NELL1: variants seen among roughly 807,000 people sequenced by gnomAD.
The protein encoded by NELL1 is protein kinase C-binding protein NELL1.
In NELL1, 76 loss-of-function variants were observed where a neutral mutation model predicts 107.4. That is an observed-to-expected ratio of 0.71 (90% CI 0.59 to 0.86). The LOEUF (loss-of-function observed/expected upper bound fraction) is 0.86. NELL1 is among the 40% of genes least tolerant of loss of function. NELL1 has a pLI of 0.00. For synonymous variants in NELL1, 353 were observed against 341.2 expected (o/e 1.03, Z -0.38); for missense variants, 1,024 against 1,005.5 (o/e 1.02, Z -0.25).
intron 14 of NELL1, among the ~76,000 whole-genome samples, chr11:21,327,581 T>C (rs1157035170): frequency 6.6e-6 from 1 of 152,122 alleles, no homozygotes; most frequent in African/African-American, 2.4e-5. Flanking sequence ...ACAGTAAATT[T>C]GTACTGTGTA....
chr11:21,558,735 G>A (rs1343222545), intron 16 of NELL1, among the ~76,000 whole-genome samples: 1 of 152,026 alleles, frequency 6.6e-6, no homozygotes, highest in Admixed American at 6.6e-5. Context: ...ACTGTTACGT[G>A]TAAAATGACT....
intron 12 of NELL1, among the ~76,000 whole-genome samples, chr11:21,003,391 T>C (rs963940194): frequency 2.6e-5 from 4 of 152,138 alleles, no homozygotes; most frequent in African/African-American, 9.7e-5. Flanking sequence ...AACAATGCAA[T>C]GGTTACTAAA....
chr11:20,862,436 G>C (rs1012407093), intron 4 of NELL1, among the ~76,000 whole-genome samples: 2 of 152,080 alleles, frequency 1.3e-5, no homozygotes, highest in Non-Finnish European at 2.9e-5. Flanking sequence ...TGTTACAACT[G>C]ATGAATCTAC....
chr11:21,161,944 CTTTTTTTTTTTT>C (rs34422649), intron 13 of NELL1, among the ~76,000 whole-genome samples: 1 of 83,062 alleles, frequency 1.2e-5, no homozygotes, highest in Non-Finnish European at 2.1e-5. Flanking sequence ...GGAACATAAT[CTTTTTTTTTTTT>C]TTTTTTTTTT....
intron 16 of NELL1, among the ~76,000 whole-genome samples, chr11:21,535,134 T>A (rs910069417): frequency 2.0e-5 from 3 of 152,206 alleles, no homozygotes; most frequent in African/African-American, 7.2e-5. Context: ...TTATTGGGTC[T>A]CTTCTTGTGG....
rs562176487 is a variant in NELL1 at position 21,405,750 on chromosome 11, G to A, written c.1645+34802G>A. Among the ~76,000 whole-genome samples the A allele has an allele frequency of 3.3e-5, 5 of 151,990 alleles. No homozygotes were observed. In the South Asian group the frequency reaches 8.3e-4, roughly 25 times the overall value. ...AAGACCCTTGACCTGGTGAAAGATG[G>A]ACACATCATCTTTCCTCATCCTACA... On this transcript the variant is annotated intron_variant, in intron 15 of 19. Transcript: ENST00000357134.
rs186561926 is a variant in NELL1 at position 20,972,217 on chromosome 11, A to G, written c.1300+11657A>G. On this transcript the variant is annotated intron_variant, in intron 12 of 19. Coordinates refer to ENST00000357134, the MANE Select transcript of NELL1 (RefSeq NM_006157.5). ...TAAAATAAAAAATTAAAATAAAAAT[A>G]AATTGCTATAAGAACTAAGGGGAAT... Among the ~76,000 whole-genome samples the G allele has an allele frequency of 4.6e-5, 7 of 152,324 alleles. No homozygotes were observed. In the East Asian group the frequency reaches 1.4e-3, roughly 29 times the overall value.
chr11:20,859,703 G>A (rs964010469), intron 4 of NELL1, among the ~76,000 whole-genome samples: 3 of 152,210 alleles, frequency 2.0e-5, no homozygotes, highest in Admixed American at 1.3e-4. Flanking sequence ...GGGTTGGGCA[G>A]TAGGAGACCC....
chr11:21,242,431 A>G (rs1590765263), intron 14 of NELL1, among the ~76,000 whole-genome samples: 1 of 152,118 alleles, frequency 6.6e-6, no homozygotes, highest in East Asian at 1.9e-4. Context: ...GCCAGAACTC[A>G]GTCCATGGCC....
chr11:20,958,339 T>A (rs982177564), intron 11 of NELL1, among the ~76,000 whole-genome samples: 1 of 151,988 alleles, frequency 6.6e-6, no homozygotes. Flanking sequence ...CTTTAGCCCA[T>A]GAGGCCGAGG....
chr11:20,918,197 G>A lies in NELL1; in HGVS notation c.619G>A (p.Gly207Arg). The A allele has an allele frequency of 6.3e-7, 1 of 1,594,718 alleles. No homozygotes were observed. The highest frequency in any genetic ancestry group is 8.6e-7 in the Non-Finnish European group (1 of 1,163,320). Residue 207 changes from glycine (G) to arginine (R), a missense_variant, in exon 6 of 20, where the codon GGG (glycine) becomes AGG (arginine). Transcript: ENST00000357134. ...HGLFKGIIQDGKIIFMPNGYI... is the reference protein window; with the variant it reads ...HGLFKGIIQDRKIIFMPNGYI... ...TATTATCAAGGGGATCATCCAAGAT[G>A]GGAAGATCATCTTTATGCCGAATGG...
intron 13 of NELL1, among the ~76,000 whole-genome samples, chr11:21,136,033 G>A (rs763653527): frequency 6.6e-6 from 1 of 152,266 alleles, no homozygotes; most frequent in Non-Finnish European, 1.5e-5. Flanking sequence ...TAAGTGCTGC[G>A]AAGAAAACCA....
chr11:21,323,160 C>G (rs76395568), intron 14 of NELL1, among the ~76,000 whole-genome samples: 4,653 of 152,194 alleles, frequency 0.031, 254 homozygotes, highest in African/African-American at 0.11. Context: ...TTATTATTAT[C>G]TGGTTGGTCT....
chr11:21,446,752 G>C (rs1456526854), intron 15 of NELL1, among the ~76,000 whole-genome samples: 1 of 152,192 alleles, frequency 6.6e-6, no homozygotes, highest in African/African-American at 2.4e-5. Context: ...TCTTGCCCAA[G>C]GCTCACTGTA....
intron 4 of NELL1, among the ~76,000 whole-genome samples, chr11:20,866,153 A>G (rs6483735): frequency 0.69 from 104,679 of 152,080 alleles, 37,525 homozygotes; most frequent in Non-Finnish European, 0.79. Flanking sequence ...TGTGATGCGC[A>G]AGGAGCTTGA....
chr11:21,177,193 A>G (rs1009742826), intron 13 of NELL1, among the ~76,000 whole-genome samples: 1 of 151,760 alleles, frequency 6.6e-6, no homozygotes, highest in Non-Finnish European at 1.5e-5. Context: ...GCAATAGATG[A>G]CCAGAACTGA....
At chr11:21,147,659 C>G (rs1856011520) in intron 13 of NELL1, among the ~76,000 whole-genome samples, 1 of 151,280 alleles carries the variant, frequency 6.6e-6, no homozygotes, top group South Asian at 2.1e-4. Context: ...ATGGAGAAAA[C>G]CCATCCATCT....
chr11:20,812,878 G>C (rs569349257), intron 3 of NELL1, among the ~76,000 whole-genome samples: 1 of 150,520 alleles, frequency 6.6e-6, no homozygotes, highest in African/African-American at 2.4e-5. Context: ...CGAGGTGGCG[G>C]GCGCCTGTAG....
chr11:21,498,603 G>T (rs1229617393), intron 15 of NELL1, among the ~76,000 whole-genome samples: 1 of 151,704 alleles, frequency 6.6e-6, no homozygotes, highest in East Asian at 1.9e-4. Flanking sequence ...TACAAATAAT[G>T]TCTCAATTAA....
Sources: gnomAD v4.1 joint callset for allele counts (sites outside exome capture counted in the v4.1 genomes callset) on GRCh38, gnomAD v4.1.1 for gene constraint, MANE v1.5 for transcripts, NCBI Gene and HGNC (gene_info 2026-07-23, HGNC 2026-07-21) for gene names.